SHROOM4: variants seen among roughly 807,000 people sequenced by gnomAD.
SHROOM4 encodes the protein shroom family member 4, also known as protein Shroom4.
In SHROOM4, 17 loss-of-function variants were observed where a neutral mutation model predicts 80.3. The observed-to-expected ratio is 0.21, with a 90% confidence interval of 0.14 to 0.32. The LOEUF is 0.32. Among genes scored for constraint, SHROOM4 ranks in the 10% least tolerant of loss-of-function variants. SHROOM4 has a pLI of 1.00. For synonymous variants in SHROOM4, 400 were observed against 437.5 expected (o/e 0.91, Z 1.07); for missense variants, 993 against 1,140.3 (o/e 0.87, Z 1.86).
chrX:50,793,740 T>C (rs1480708202), intron 1 of SHROOM4, among the ~76,000 whole-genome samples: 1 of 109,061 alleles, frequency 9.2e-6, no homozygotes, highest in Admixed American at 1.0e-4. Flanking sequence ...TTTCAGGTGA[T>C]ATCTAAAAGA....
chrX:50,747,221 A>G (rs1174711616), intron 1 of SHROOM4, among the ~76,000 whole-genome samples: 4 of 112,265 alleles, frequency 3.6e-5, no homozygotes, highest in Non-Finnish European at 7.5e-5. Context: ...AAAGCCTCTC[A>G]TAAGAGGAGA....
the SHROOM4 span, among the ~76,000 whole-genome samples, chrX:50,577,937 G>T: frequency 8.9e-6 from 1 of 111,928 alleles, no homozygotes; most frequent in Non-Finnish European, 1.9e-5. Flanking sequence ...CAAGTTTTAA[G>T]ATGAAGCCTT....
At chrX:50,696,743 G>A (rs1362142711) in intron 1 of SHROOM4, among the ~76,000 whole-genome samples, 3 of 112,049 alleles carry the variant, frequency 2.7e-5, no homozygotes, top group African/African-American at 9.7e-5. Flanking sequence ...GGAAATATGG[G>A]TATTTACTGT....
At chrX:50,642,962 C>G (rs1443920517) in intron 2 of SHROOM4, among the ~76,000 whole-genome samples, 1 of 111,645 alleles carries the variant, frequency 9.0e-6, no homozygotes, top group African/African-American at 3.3e-5. Flanking sequence ...TGAGGTTTCC[C>G]ATAGCAATTC....
chrX:50,785,156 C>T (rs1049673435), intron 1 of SHROOM4, among the ~76,000 whole-genome samples: 1 of 111,645 alleles, frequency 9.0e-6, no homozygotes, highest in South Asian at 3.7e-4. Context: ...AACCCTCCTA[C>T]AGTATTGACT....
At chrX:50,625,541 T>A (rs1290116865) in intron 5 of SHROOM4, among the ~76,000 whole-genome samples, 1 of 111,725 alleles carries the variant, frequency 9.0e-6, no homozygotes, top group Non-Finnish European at 1.9e-5. Flanking sequence ...CAATAAGGTT[T>A]TTTTTTCTTC....
intron 1 of SHROOM4, among the ~76,000 whole-genome samples, chrX:50,753,231 T>C (rs1234521451): frequency 1.2e-4 from 13 of 111,913 alleles, no homozygotes; most frequent in African/African-American, 3.9e-4. Flanking sequence ...CCTCCTTGCC[T>C]TGGAGAATAT....
At chrX:50,683,383 T>C (rs1156892267) in intron 2 of SHROOM4, among the ~76,000 whole-genome samples, 3 of 111,089 alleles carry the variant, frequency 2.7e-5, no homozygotes, top group Non-Finnish European at 5.7e-5. Flanking sequence ...TAGGGAACTT[T>C]GAAGGGTTTT....
chrX:50,742,163 T>C (rs782070177), intron 1 of SHROOM4, among the ~76,000 whole-genome samples: 1 of 110,931 alleles, frequency 9.0e-6, no homozygotes, highest in Non-Finnish European at 1.9e-5. Context: ...CCCCCCTGCT[T>C]TGTGCTATTA....
intron 2 of SHROOM4, among the ~76,000 whole-genome samples, chrX:50,682,187 A>G (rs1030672532): frequency 1.8e-5 from 2 of 112,229 alleles, no homozygotes; most frequent in Admixed American, 1.9e-4. Context: ...AGAGGCACTC[A>G]ATAAATGCTA....
intron 1 of SHROOM4, among the ~76,000 whole-genome samples, chrX:50,743,580 C>T (rs1272737026): frequency 9.1e-6 from 1 of 110,282 alleles, no homozygotes; most frequent in Non-Finnish European, 1.9e-5. Flanking sequence ...ACCTCAGCTT[C>T]CTGAGTAGCT....
intron 5 of SHROOM4, among the ~76,000 whole-genome samples, chrX:50,616,927 T>C (rs782739232): frequency 7.1e-5 from 8 of 112,001 alleles, no homozygotes; most frequent in African/African-American, 2.6e-4. Flanking sequence ...TCTCCCGACC[T>C]TCACCTCCGA....
intron 1 of SHROOM4, among the ~76,000 whole-genome samples, chrX:50,772,817 C>T (rs1485337601): frequency 9.0e-6 from 1 of 111,726 alleles, no homozygotes; most frequent in Non-Finnish European, 1.9e-5. Context: ...CTATCATATG[C>T]TAGGAACTGT....
chrX:50,735,952 A>G (rs1934477184), intron 1 of SHROOM4, among the ~76,000 whole-genome samples: 1 of 107,677 alleles, frequency 9.3e-6, no homozygotes, highest in Admixed American at 1.0e-4. Flanking sequence ...GGGTGCAGTG[A>G]GCCGAGACCG....
In SHROOM4 at chrX:50,795,051, G is replaced by GATATATATATATGATATATATATATGAT. The variant is rs57853672; in HGVS notation, c.117+18850_117+18851insATCATATATATATATCATATATATATAT. On this transcript the variant is annotated intron_variant, in intron 1 of 8. Coordinates refer to ENST00000376020, the MANE Select transcript of SHROOM4 (RefSeq NM_020717.5). The stretch of plus-strand genomic sequence containing the variant: ...TATCATATATATCTCATATATATAT[G>GATATATATATATGATATATATATATGAT]ATATATATATGATATATATATATGA... Among the ~76,000 whole-genome samples the GATATATATATATGATATATATATATGAT allele has an allele frequency of 5.6e-3, 14 of 2,518 alleles. 5 individuals carry two copies. Among genetic ancestry groups the GATATATATATATGATATATATATATGAT allele is most frequent in the Non-Finnish European group, 0.021 (5 of 239 alleles). The allele number at this position is 2,518 out of a possible 115,157, so 2.2% of individuals were successfully genotyped here.
the SHROOM4 span, among the ~76,000 whole-genome samples, chrX:50,575,896 C>T: frequency 1.8e-5 from 2 of 111,962 alleles, no homozygotes; most frequent in Non-Finnish European, 3.8e-5. Context: ...CCCAGGAAAC[C>T]TACTTTCATT....
Position 50,651,970 on chromosome X carries a change from T to A in SHROOM4, c.270-13662A>T, listed in dbSNP as rs898697816. Among the ~76,000 whole-genome samples the A allele has an allele frequency of 8.9e-5, 10 of 111,972 alleles. No individual in the cohort carries two copies. In the East Asian group the frequency reaches 1.1e-3, roughly 13 times the overall value. The stretch of plus-strand genomic sequence containing the variant: ...GTGTATATGTGCCATATTTTCTTTA[T>A]CCAGTTTATCATTGATGGGCATTTG... On this transcript the variant is annotated intron_variant, in intron 2 of 8. Transcript: ENST00000376020.
At chrX:50,813,030 G>T (rs1271904979) in intron 1 of SHROOM4, among the ~76,000 whole-genome samples, 2 of 111,416 alleles carry the variant, frequency 1.8e-5, no homozygotes, top group Non-Finnish European at 3.8e-5. Flanking sequence ...CCCTACGGGG[G>T]AGGCTCGCTT....
At chrX:50,697,606 T>C (rs184195720) in intron 1 of SHROOM4, among the ~76,000 whole-genome samples, 1 of 112,253 alleles carries the variant, frequency 8.9e-6, no homozygotes, top group East Asian at 2.8e-4. Flanking sequence ...AACCTTTGTC[T>C]GACAAATCAT....
Sources: allele counts gnomAD v4.1 joint callset (sites outside exome capture counted in the v4.1 genomes callset), GRCh38; gene constraint gnomAD v4.1.1; transcripts MANE v1.5; gene names NCBI Gene and HGNC (gene_info 2026-07-23, HGNC 2026-07-21).